Variants in MASP2 observed in about 807,000 individuals in gnomAD.
The protein encoded by MASP2 is mannan-binding lectin serine protease 2.
MASP2 carries 49 observed loss-of-function variants against 57.1 expected under a neutral mutation model. That is an observed-to-expected ratio of 0.86 (90% confidence interval 0.68 to 1.09). The LOEUF (loss-of-function observed/expected upper bound fraction) is 1.09. Among genes scored for constraint, MASP2 ranks in the 50% least tolerant of loss-of-function variants. MASP2 has a pLI of 0.00. For synonymous variants in MASP2, 379 were observed against 340.8 expected, an observed-to-expected ratio of 1.11 and a Z score of -1.24; for missense variants, 900 against 874.8, an observed-to-expected ratio of 1.03 and a Z score of -0.36.
chr1:11,041,663 GTGAATGGATAGATGGATGGCTGGAAGTA>G (rs1557674512), intron 6 of MASP2, among the ~76,000 whole-genome samples: 1 of 27,652 alleles, frequency 3.6e-5, no homozygotes, highest in Non-Finnish European at 7.2e-5. Flanking sequence ...AGAAGGATGA[GTGAATGGATAGATGGATGGCTGGAAGTA>G]TGGGTGAGTG....
Position 11,047,117 on chromosome 1 carries a change from A to G in MASP2, c.8T>C (p.Leu3Pro). 6.5e-7 allele frequency: 1 copy of G among 1,550,110 alleles called. No individual in the cohort carries two copies. The highest frequency in any genetic ancestry group is 8.7e-7 in the Non-Finnish European group (1 of 1,146,642). ...ACACAGAAGGCCCAGGAGGGTCAGC[A>G]GCCTATGGGCAGGGCAGGGGCGGTG... is the stretch of plus-strand genomic sequence containing the variant. MR[L>P]LTLLGLLCGS... The change falls in exon 2 of 11, where the codon CTG becomes CCG. Residue 3 changes from leucine (L) to proline (P), a missense_variant and splice_region_variant. Coordinates refer to ENST00000400897, the MANE Select transcript of MASP2 (RefSeq NM_006610.4).
At position 11,047,191 on chromosome 1, in the gene MASP2, G is replaced by A; in HGVS notation, c.5+12C>T. 3 of 1,561,486 alleles carry A rather than the reference G, an allele frequency of 1.9e-6. No homozygotes were observed. Among genetic ancestry groups the A allele is most frequent in the Non-Finnish European group, 1.7e-6 (2 of 1,155,252 alleles). On this transcript the variant is annotated intron_variant, in intron 1 of 10. Transcript: ENST00000400897. Reference sequence around the variant, plus strand: ...CCCACACCCTGCAGGGAGGCTGTGGGCGCCCACCTACCTCATGGTGTGCCC... The same window carrying A: ...CCCACACCCTGCAGGGAGGCTGTGGACGCCCACCTACCTCATGGTGTGCCC...
intron 6 of MASP2, among the ~76,000 whole-genome samples, chr1:11,040,465 TAA>T (rs61379703): frequency 0.031 from 2,961 of 96,296 alleles, 139 homozygotes; most frequent in African/African-American, 0.11. Flanking sequence ...AGTCTTTGTC[TAA>T]AAAAAAAAAA....
In MASP2 at chr1:11,045,439, G is replaced by A. The variant is rs200198247; in HGVS notation, c.513C>T (p.Tyr171=). ...AGGTGCGCTTGTTACGGTGCAGGAC[G>A]TAGCCTGCGCGGCAGGAGCAGTAGA... is the stretch of plus-strand genomic sequence containing the variant. ...GGFYCSCRAG[Y]VLHRNKRTCS... Residue 171 remains tyrosine (Y), a synonymous_variant, in exon 4 of 11, where the codon TAC becomes TAT. Transcript: ENST00000400897. The A allele has an allele frequency of 3.0e-5, 49 of 1,613,252 alleles. No homozygotes were observed. The highest frequency in any genetic ancestry group is 1.7e-4 in the Admixed American group (10 of 60,024).
rs144579499 is a variant in MASP2 at position 11,045,429 on chromosome 1, G to A, written c.523C>T (p.Arg175Cys). Residue 175 changes from arginine (R) to cysteine (C), a missense_variant, in exon 4 of 11, where the codon CGT becomes TGT. Arg to Cys is a radical substitution (Grantham distance 180). Coordinates refer to ENST00000400897, the MANE Select transcript of MASP2 (RefSeq NM_006610.4). ...TCACCTGAGCAGGTGCGCTTGTTAC[G>A]GTGCAGGACGTAGCCTGCGCGGCAG... ...CSCRAGYVLH[R>C]NKRTCSALCS... is the part of the protein sequence containing the mutation. 19 of 1,613,164 alleles carry A rather than the reference G, an allele frequency of 1.2e-5. No homozygotes were observed. The highest frequency in any genetic ancestry group is 3.3e-5 in the Admixed American group (2 of 60,010).
chr1:11,027,299 C>T lies in MASP2; in HGVS notation c.1647G>A (p.Thr549=), dbSNP rs570098833. The part of the protein sequence containing the change: ...NNKVVINSNI[T]PICLPRKEAE... Reference sequence around the variant, plus strand: ...CTTCTTTTCTTGGCAGACAAATAGGCGTGATGTTGCTATTGATTACAACTT... The same window carrying T: ...CTTCTTTTCTTGGCAGACAAATAGGTGTGATGTTGCTATTGATTACAACTT... Residue 549 remains threonine (T), a synonymous_variant, in exon 11 of 11, where the codon ACG becomes ACA. Transcript: ENST00000400897. 9.2e-5 allele frequency: 148 copies of T among 1,613,858 alleles called. No individual in the cohort carries two copies. In the Admixed American group the frequency reaches 1.9e-3, roughly 20 times the overall value.
At chr1:11,031,303 C>T (rs549864891) in intron 8 of MASP2, among the ~76,000 whole-genome samples, 2 of 151,614 alleles carry the variant, frequency 1.3e-5, no homozygotes, top group Admixed American at 1.3e-4. Flanking sequence ...GCGGGCAGAT[C>T]ACAAGGTCAG....
At chr1:11,041,129 G>GGATGGATA (rs1638416234) in intron 6 of MASP2, among the ~76,000 whole-genome samples, 1 of 149,052 alleles carries the variant, frequency 6.7e-6, no homozygotes, top group African/African-American at 2.5e-5. Context: ...ATGGATGGAT[G>GGATGGATA]GATGGAAGGA....
chr1:11,027,566 G>A lies in MASP2; in HGVS notation c.1380C>T (p.Val460=). ...CTGCTGTGGTTCCACCTAATATCAG[G>A]ACTTGCCAAGGAAAATCACCAGGTT... The part of the protein sequence containing the change: ...KAKPGDFPWQ[V]LILGGTTAAG... Residue 460 remains valine, a synonymous_variant, in exon 11 of 11, where the codon GTC becomes GTT. Coordinates refer to ENST00000400897, the MANE Select transcript of MASP2 (RefSeq NM_006610.4). 4 of 1,614,156 alleles carry A rather than the reference G, an allele frequency of 2.5e-6. No individual in the cohort carries two copies. Among genetic ancestry groups the A allele is most frequent in the Non-Finnish European group, 3.4e-6 (4 of 1,180,028 alleles).
Position 11,044,607 on chromosome 1 carries a change from G to A in MASP2, c.544+801C>T, listed in dbSNP as rs546722097. On this transcript the variant is annotated intron_variant, in intron 4 of 10. Transcript: ENST00000400897. The stretch of plus-strand genomic sequence containing the variant: ...GCTCAGCCTCTGGGGACCTGGACTC[G>A]AGCGAGGCCTTGCCCCTCTCCGGGC... Among the ~76,000 whole-genome samples the A allele has an allele frequency of 8.2e-4, 125 of 152,250 alleles. 6 individuals carry two copies. In the South Asian group the frequency reaches 0.025, roughly 30 times the overall value.
At chr1:11,040,199 G>A (rs1325065267) in intron 6 of MASP2, among the ~76,000 whole-genome samples, 3 of 151,888 alleles carry the variant, frequency 2.0e-5, no homozygotes, top group African/African-American at 4.8e-5. Flanking sequence ...GGCTGGGCGC[G>A]GTGGCTCACG....
chr1:11,026,989 C>G lies in MASP2; in HGVS notation c.1957G>C (p.Val653Leu). Residue 653 changes from valine (V) to leucine (L), a missense_variant, in exon 11 of 11, where the codon GTG (valine) becomes CTG (leucine). Coordinates refer to ENST00000400897, the MANE Select transcript of MASP2 (RefSeq NM_006610.4). ...ETERWFVGGI[V>L]SWGSMNCGEA... ...CCACAATTCATGGAACCCCAGGACA[C>G]TATTCCTCCCACAAACCACCTCTCT... The G allele has an allele frequency of 6.3e-7, 1 of 1,594,344 alleles. No homozygotes were observed. Among genetic ancestry groups the G allele is most frequent in the Non-Finnish European group, 8.5e-7 (1 of 1,170,974 alleles).
At chr1:11,034,991 TTCTA>T in intron 7 of MASP2, 85 bp from the exon 8 acceptor site, 1 of 880,834 alleles carries the variant, frequency 1.1e-6, no homozygotes, top group Non-Finnish European at 1.7e-6. Flanking sequence ...GCAGTTCCTA[TTCTA>T]GTGTTTTACG....
chr1:11,030,124 C>G, intron 10 of MASP2, 52 bp downstream of exon 10: 3 of 1,346,224 alleles, frequency 2.2e-6, no homozygotes, highest in South Asian at 1.2e-5. Flanking sequence ...TGTCTCCTAC[C>G]CAGTCCTCCT....
In MASP2 at chr1:11,041,443, G is replaced by A. The variant is rs574791106; in HGVS notation, c.889+1432C>T. On this transcript the variant is annotated intron_variant, in intron 6 of 10. Transcript: ENST00000400897. Reference sequence around the variant, plus strand: ...GGATGGATGGATGGATGGATTGGTAGGTAGAAGGATGGGTGGGTGCATAGA... The same window carrying A: ...GGATGGATGGATGGATGGATTGGTAAGTAGAAGGATGGGTGGGTGCATAGA... Among the ~76,000 whole-genome samples, 66 of 150,750 alleles carry A rather than the reference G, an allele frequency of 4.4e-4. 4 individuals carry two copies. The South Asian group carries it at 0.014, about 31-fold the overall frequency.
intron 8 of MASP2, among the ~76,000 whole-genome samples, chr1:11,032,608 CAAA>C (rs36074066): frequency 2.3e-4 from 24 of 106,054 alleles, no homozygotes; most frequent in African/African-American, 4.5e-4. Flanking sequence ...GAGACCCCGT[CAAA>C]AAAAAAAAAA....
chr1:11,043,500 C>A lies in MASP2; in HGVS notation c.580G>T (p.Gly194Trp). The A allele has an allele frequency of 6.2e-7, 1 of 1,607,096 alleles. No homozygotes were observed. The change falls in exon 5 of 11, where the codon GGG becomes TGG. Residue 194 changes from glycine (G) to tryptophan (W), a missense_variant. By Grantham distance (184) the Gly-to-Trp change is radical. Coordinates refer to ENST00000400897, the MANE Select transcript of MASP2 (RefSeq NM_006610.4). ...CSGQVFTQRSGELSSPEYPRP... is the reference protein window; with the variant it reads ...CSGQVFTQRSWELSSPEYPRP... Reference sequence around the variant, plus strand: ...GGGTATTCAGGGCTGCTGAGCTCCCCAGACCTCTGGGTGAAGACCTGGCCG... The same window carrying A: ...GGGTATTCAGGGCTGCTGAGCTCCCAAGACCTCTGGGTGAAGACCTGGCCG...
intron 8 of MASP2, among the ~76,000 whole-genome samples, chr1:11,031,446 A>G (rs549828608): frequency 1.2e-3 from 179 of 143,660 alleles, no homozygotes; most frequent in East Asian, 4.1e-3. Flanking sequence ...GGAGAATGGC[A>G]TGAACCCGGG....
Position 11,026,936 on chromosome 1 carries a change from T to G in MASP2, c.2010A>C (p.Thr670=). 1 of 1,514,412 alleles carries G rather than the reference T, an allele frequency of 6.6e-7. No homozygotes were observed. Among genetic ancestry groups the G allele is most frequent in the Non-Finnish European group, 8.8e-7 (1 of 1,133,304 alleles). The allele number at this position is 1,514,412 out of a possible 1,614,324, so 93.8% of individuals were successfully genotyped here. Residue 670 remains threonine (T), a synonymous_variant, in exon 11 of 11, where the codon ACA becomes ACC. Coordinates refer to ENST00000400897, the MANE Select transcript of MASP2 (RefSeq NM_006610.4). ...CGEAGQYGVY[T]KVINYIPWIE... Reference sequence around the variant, plus strand: ...TCCAGGGAATATAGTTAATAACTTTTGTGTAGACTCCATACTGACCTGCTT... The same window carrying G: ...TCCAGGGAATATAGTTAATAACTTTGGTGTAGACTCCATACTGACCTGCTT...
Sources: allele counts gnomAD v4.1 joint callset (sites outside exome capture counted in the v4.1 genomes callset), GRCh38; gene constraint gnomAD v4.1.1; transcripts MANE v1.5; gene names NCBI Gene and HGNC (gene_info 2026-07-23, HGNC 2026-07-21).